DENND5B: variants seen among roughly 807,000 people sequenced by gnomAD.
DENND5B encodes the protein DENN domain-containing protein 5B.
DENND5B carries 34 observed loss-of-function variants against 140.6 expected under a neutral mutation model. The ratio of observed to expected loss-of-function variants is 0.24; its 90% CI spans 0.18 to 0.32. DENND5B has a LOEUF of 0.32. DENND5B is among the 10% of genes least tolerant of loss of function. The pLI is 1.00. For missense variants in DENND5B, 1,142 were observed against 1,560.2 expected (o/e 0.73, Z 4.52); for synonymous variants, 551 against 562.1 (o/e 0.98, Z 0.28).
intron 1 of DENND5B, among the ~76,000 whole-genome samples, chr12:31,546,044 ATTAACAC>A (rs1948848318): frequency 1.3e-5 from 2 of 151,516 alleles, no homozygotes; most frequent in South Asian, 4.2e-4. Context: ...ACAGTGAAAT[ATTAACAC>A]TGTATGGCTA....
chr12:31,470,805 A>T (rs182414462), intron 3 of DENND5B, among the ~76,000 whole-genome samples: 1 of 152,206 alleles, frequency 6.6e-6, no homozygotes, highest in Non-Finnish European at 1.5e-5. Context: ...GAGATTTGTT[A>T]TAACAGCCCA....
intron 1 of DENND5B, among the ~76,000 whole-genome samples, chr12:31,544,583 C>T (rs1948791925): frequency 6.6e-6 from 1 of 151,974 alleles, no homozygotes; most frequent in South Asian, 2.1e-4. Flanking sequence ...CCATGCCCAG[C>T]CAATAACTAT....
intron 13 of DENND5B, among the ~76,000 whole-genome samples, chr12:31,412,923 A>C (rs992341465): frequency 1.3e-5 from 2 of 151,926 alleles, no homozygotes; most frequent in Admixed American, 6.6e-5. Flanking sequence ...TGGCAGAGCA[A>C]TCCGGCCTTT....
At position 31,433,109 on chromosome 12, in the gene DENND5B, T is replaced by C. The variant is rs1218127775; in HGVS notation, c.2106+46A>G. On this transcript the variant is annotated intron_variant, in intron 8 of 20. Transcript: ENST00000389082. The stretch of plus-strand genomic sequence containing the variant: ...CATCTGCTGGAAGGAATAAGCCTAG[T>C]TCATGGCGCTTGCTGTGAGGCACCC... 2.0e-6 allele frequency: 3 copies of C among 1,519,400 alleles called. No homozygotes were observed. The East Asian group carries it at 6.8e-5, about 34-fold the overall frequency. 94.1% of individuals were successfully genotyped at this position (1,519,400 alleles called of 1,614,324 possible). A position where few individuals can be genotyped will look rare whatever the true frequency, so the allele number is the denominator to read the frequency against.
intron 5 of DENND5B, among the ~76,000 whole-genome samples, chr12:31,448,134 CG>C (rs1471003475): frequency 6.6e-6 from 1 of 150,980 alleles, no homozygotes; most frequent in Non-Finnish European, 1.5e-5. Context: ...GTTGTAATTT[CG>C]TTTTTTTTTT....
chr12:31,555,242 T>C (rs1041517466), intron 1 of DENND5B, among the ~76,000 whole-genome samples: 26 of 152,184 alleles, frequency 1.7e-4, no homozygotes, highest in Non-Finnish European at 3.7e-4. Context: ...GGTGTGGATG[T>C]CCTTTCTGTT....
Position 31,413,576 on chromosome 12 carries a change from T to C in DENND5B, c.2553-12A>G. ...TGTTTTGAATATGCCTAAAGAATAG[T>C]GGCAACAGCAAAGATGTAGATTTTA... On this transcript the variant is annotated splice_polypyrimidine_tract_variant and intron_variant, in intron 12 of 20. Coordinates refer to ENST00000389082, the MANE Select transcript of DENND5B (RefSeq NM_144973.4). The C allele has an allele frequency of 6.2e-7, 1 of 1,606,650 alleles. No homozygotes were observed. The highest frequency in any genetic ancestry group is 8.5e-7 in the Non-Finnish European group (1 of 1,175,032).
At chr12:31,518,292 GAGC>G in intron 1 of DENND5B, among the ~76,000 whole-genome samples, 1 of 152,210 alleles carries the variant, frequency 6.6e-6, no homozygotes, top group Admixed American at 6.5e-5. Context: ...TTAAGAGCCT[GAGC>G]AGTCCCTCTC....
intron 1 of DENND5B, among the ~76,000 whole-genome samples, chr12:31,509,460 G>C (rs1294972719): frequency 6.6e-6 from 1 of 152,150 alleles, no homozygotes; most frequent in Middle Eastern, 3.2e-3. Flanking sequence ...TACAGCAGGA[G>C]GACTGCTTGA....
chr12:31,549,160 G>A (rs1716189), intron 1 of DENND5B, among the ~76,000 whole-genome samples: 4 of 152,052 alleles, frequency 2.6e-5, no homozygotes, highest in South Asian at 2.1e-4. Flanking sequence ...TGGACCTCCC[G>A]AAGTGCTGGG....
intron 3 of DENND5B, among the ~76,000 whole-genome samples, chr12:31,463,270 AAAAC>A (rs947678363): frequency 2.9e-5 from 4 of 139,048 alleles, no homozygotes; most frequent in East Asian, 2.3e-4. Flanking sequence ...AAAAAAACAA[AAAAC>A]AAACAAACAA....
chr12:31,412,930 CTT>C (rs899367809), intron 13 of DENND5B, among the ~76,000 whole-genome samples: 1 of 148,486 alleles, frequency 6.7e-6, no homozygotes, highest in East Asian at 2.0e-4. Context: ...GCAATCCGGC[CTT>C]TTTTTTTTGA....
chr12:31,448,135 G>T (rs1017205141), intron 5 of DENND5B, among the ~76,000 whole-genome samples: 3 of 145,804 alleles, frequency 2.1e-5, no homozygotes, highest in South Asian at 4.3e-4. Context: ...TTGTAATTTC[G>T]TTTTTTTTTT....
At position 31,522,255 on chromosome 12, in the gene DENND5B, A is replaced by T. The variant is rs899346123; in HGVS notation, c.128-26336T>A. Among the ~76,000 whole-genome samples the T allele has an allele frequency of 3.3e-5, 5 of 152,314 alleles. No homozygotes were observed. The East Asian group carries it at 7.7e-4, about 23-fold the overall frequency. On this transcript the variant is annotated intron_variant, in intron 1 of 20. Coordinates refer to ENST00000389082, the MANE Select transcript of DENND5B (RefSeq NM_144973.4). The stretch of plus-strand genomic sequence containing the variant: ...CATCTATCACATTGTGCAGTAGAAA[A>T]GGCTAAGCTGAGAGTCAATAACCTT...
rs571143302 is a variant in DENND5B, at chr12:31,437,967, C to CA, written c.2013-4720dup. 2.6e-5 allele frequency among the ~76,000 whole-genome samples: 4 copies of CA among 152,316 alleles called. No homozygotes were observed. In the South Asian group the frequency reaches 8.3e-4, roughly 32 times the overall value. Reference sequence around the variant, plus strand: ...CTGAGTGGTTAAAAATTAACCCCATCACTTTCTAGTATTCCAGATTTTTTC... The same window carrying CA: ...CTGAGTGGTTAAAAATTAACCCCATCAACTTTCTAGTATTCCAGATTTTTTC... On this transcript the variant is annotated intron_variant, in intron 7 of 20. Coordinates refer to ENST00000389082, the MANE Select transcript of DENND5B (RefSeq NM_144973.4).
intron 1 of DENND5B, chr12:31,499,712 TA>T (rs1946931295): frequency 1.4e-6 from 2 of 1,400,682 alleles, no homozygotes; most frequent in South Asian, 1.6e-5. Context: ...TATGAACAAA[TA>T]AAAACAAACA....
chr12:31,424,874 C>T (rs1943166574), intron 9 of DENND5B, among the ~76,000 whole-genome samples, 187 bp from the exon 10 acceptor site: 4 of 152,122 alleles, frequency 2.6e-5, no homozygotes, highest in Admixed American at 1.3e-4. Context: ...TTATATGTCA[C>T]TATTTTGTCA....
At position 31,447,786 on chromosome 12, in the gene DENND5B, AG is replaced by A. The variant is rs762705013; in HGVS notation, c.1630-18del. On this transcript the variant is annotated intron_variant, in intron 5 of 20. Transcript: ENST00000389082. ...AAAGGAAGCCTGTAATGAGATAATT[AG>A]GAAATTATTAGTGCAAAGAGACCAT... 6.5e-7 allele frequency: 1 copy of A among 1,536,560 alleles called. No homozygotes were observed. Among genetic ancestry groups the A allele is most frequent in the South Asian group, 1.2e-5 (1 of 84,498 alleles).
chr12:31,483,865 CT>C (rs200066618), intron 2 of DENND5B, among the ~76,000 whole-genome samples: 513 of 129,384 alleles, frequency 4.0e-3, no homozygotes, highest in African/African-American at 9.1e-3. Flanking sequence ...CTTTTCTTTT[CT>C]TTTTTTTTTT....
Sources: gnomAD v4.1 joint callset for allele counts (sites outside exome capture counted in the v4.1 genomes callset) on GRCh38, gnomAD v4.1.1 for gene constraint, MANE v1.5 for transcripts, NCBI Gene and HGNC (gene_info 2026-07-23, HGNC 2026-07-21) for gene names.